The following ABLIM1 variants were observed in gnomAD, a reference collection of about 807,000 sequenced individuals.
ABLIM1 encodes actin binding LIM protein 1, also known as actin-binding LIM protein 1.
In ABLIM1, 40 loss-of-function variants were observed where a neutral mutation model predicts 107.0. The observed-to-expected ratio is 0.37, with a 90% CI of 0.29 to 0.49. The LOEUF (loss-of-function observed/expected upper bound fraction) is 0.49. ABLIM1 is among the 20% of genes least tolerant of loss of function. The probability of loss-of-function intolerance (pLI) is 0.97; values close to 1 mark genes in which losing one functional copy is unlikely to be tolerated. For synonymous variants in ABLIM1, 357 were observed against 357.3 expected, an observed-to-expected ratio of 1.00 and a Z score of 0.01; for missense variants, 857 against 1,008.5, an observed-to-expected ratio of 0.85 and a Z score of 2.04.
At position 114,491,795 on chromosome 10, in the gene ABLIM1, A is replaced by G. The variant is rs761579258; in HGVS notation, c.978T>C (p.Leu326=). 3 of 1,609,492 alleles carry G rather than the reference A, an allele frequency of 1.9e-6. No individual in the cohort carries two copies. The highest frequency in any genetic ancestry group is 2.6e-6 in the Non-Finnish European group (3 of 1,176,412). ...GTGTTCTTGAGTCCACCTCACCTTGAAGATACATTTCCTCTCCTTCTGTGA... is the reference window on the plus strand; with the variant it reads ...GTGTTCTTGAGTCCACCTCACCTTGGAGATACATTTCCTCTCCTTCTGTGA... ...QMFTEGEEMY[L]QGSTVWHPDC... is the part of the protein sequence containing the mutation. Residue 326 remains leucine (L), a synonymous_variant, in exon 7 of 23, where the codon CTT becomes CTC. Transcript: ENST00000533213.
At position 114,616,386 on chromosome 10, in the gene ABLIM1, G is replaced by A. The variant is rs146930610; in HGVS notation, c.245-14425C>T. 8.5e-5 allele frequency among the ~76,000 whole-genome samples: 13 copies of A among 152,206 alleles called. No individual in the cohort carries two copies. In the East Asian group the frequency reaches 2.3e-3, roughly 27 times the overall value. On this transcript the variant is annotated intron_variant, in intron 1 of 22. Coordinates refer to ENST00000533213, the MANE Select transcript of ABLIM1 (RefSeq NM_002313.7). ...GTTCATATGATGCCATCATGTTCCC[G>A]CATCAAAGCATCATTAGCCACCTCA...
chr10:114,439,305 G>T, intron 20 of ABLIM1, 55 bp from the exon 21 acceptor site: 1 of 1,594,674 alleles, frequency 6.3e-7, no homozygotes, highest in Non-Finnish European at 8.6e-7. Flanking sequence ...GGAAACTGAA[G>T]GGAGTACTCT....
At chr10:114,772,065 T>C (rs928946192), upstream of ABLIM1, among the ~76,000 whole-genome samples, 1 of 152,180 alleles carries the variant, frequency 6.6e-6, no homozygotes, top group Non-Finnish European at 1.5e-5. Flanking sequence ...TCTGCATAAC[T>C]TCAAGCTTAA....
intron 1 of ABLIM1, among the ~76,000 whole-genome samples, chr10:114,699,642 G>A (rs1225417296): frequency 2.0e-5 from 3 of 152,010 alleles, no homozygotes; most frequent in Non-Finnish European, 2.9e-5. Context: ...GTTATAAAAT[G>A]GCTCTATATC....
rs2081178300 is a variant in ABLIM1 at position 114,695,598 on chromosome 10, A to G, written c.-213+72463T>C. ...TCAGATAAGGAAAACTGAGACACAGAGAGCCAATGAATTATACAAAGTCAC... is the reference window on the plus strand; with the variant it reads ...TCAGATAAGGAAAACTGAGACACAGGGAGCCAATGAATTATACAAAGTCAC... On this transcript the variant is annotated intron_variant, in intron 1 of 15. Coordinates refer to the ABLIM1 transcript ENST00000651092. Among the ~76,000 whole-genome samples, 5 of 152,238 alleles carry G rather than the reference A, an allele frequency of 3.3e-5. No individual in the cohort carries two copies. The South Asian group carries it at 1.0e-3, about 31-fold the overall frequency.
At chr10:114,600,053 A>G (rs903881455) in intron 2 of ABLIM1, among the ~76,000 whole-genome samples, 35 of 152,274 alleles carry the variant, frequency 2.3e-4, no homozygotes, top group African/African-American at 8.2e-4. Flanking sequence ...GGTATATGGA[A>G]CCTGCAAACT....
intron 8 of ABLIM1, among the ~76,000 whole-genome samples, chr10:114,478,307 T>C (rs970061143): frequency 2.0e-5 from 3 of 152,224 alleles, no homozygotes; most frequent in Admixed American, 2.0e-4. Flanking sequence ...TCAAATTTGC[T>C]GATGTTCTGG....
chr10:114,799,376 A>G, the ABLIM1 span, among the ~76,000 whole-genome samples: 3 of 151,988 alleles, frequency 2.0e-5, no homozygotes, highest in Non-Finnish European at 4.4e-5. Flanking sequence ...ATATTTCCAC[A>G]CTGACCTCTC....
intron 1 of ABLIM1, among the ~76,000 whole-genome samples, chr10:114,725,738 TGTG>T (rs2081945141): frequency 2.7e-5 from 2 of 72,798 alleles, no homozygotes; most frequent in Admixed American, 2.8e-4. Flanking sequence ...ATATAAAATG[TGTG>T]TGTGTGTGTG....
chr10:114,469,007 A>C (rs529140641), intron 10 of ABLIM1, among the ~76,000 whole-genome samples: 2 of 143,064 alleles, frequency 1.4e-5, no homozygotes, highest in African/African-American at 5.2e-5. Context: ...AGCCGAGATC[A>C]CGCCACTGCA....
At chr10:114,796,823 C>CT in the ABLIM1 span, among the ~76,000 whole-genome samples, 1 of 152,202 alleles carries the variant, frequency 6.6e-6, no homozygotes, top group Non-Finnish European at 1.5e-5. Flanking sequence ...TCCACCCCAC[C>CT]TTGTTGCTGT....
At chr10:114,661,550 T>G (rs1377648929), upstream of ABLIM1, among the ~76,000 whole-genome samples, 1 of 152,244 alleles carries the variant, frequency 6.6e-6, no homozygotes, top group Non-Finnish European at 1.5e-5. Context: ...TTCAGGTCTT[T>G]CACTGCTGCC....
In ABLIM1 at chr10:114,482,506, T is replaced by C. The variant is rs530924255; in HGVS notation, c.1041+5452A>G. Among the ~76,000 whole-genome samples the C allele has an allele frequency of 3.3e-5, 5 of 152,296 alleles. No homozygotes were observed. In the East Asian group the frequency reaches 5.8e-4, roughly 18 times the overall value. On this transcript the variant is annotated intron_variant, in intron 8 of 22. Coordinates refer to ENST00000533213, the MANE Select transcript of ABLIM1 (RefSeq NM_002313.7). ...TGTGTAGCCAAAAGTACTTAAAAGA[T>C]AACATATCTGTGACTTGAGAACTGC... is the stretch of plus-strand genomic sequence containing the variant.
intron 1 of ABLIM1, among the ~76,000 whole-genome samples, chr10:114,749,848 C>T (rs890354335): frequency 3.9e-5 from 6 of 152,038 alleles, no homozygotes; most frequent in Admixed American, 6.6e-5. Context: ...TCGCTTTCTC[C>T]GCTCCTTCTC....
chr10:114,751,824 C>T (rs1041035924), intron 1 of ABLIM1, among the ~76,000 whole-genome samples: 1 of 151,802 alleles, frequency 6.6e-6, no homozygotes, highest in Non-Finnish European at 1.5e-5. Context: ...ATGGAAAGAC[C>T]ATGATTACAA....
chr10:114,541,965 C>T (rs987324670), intron 6 of ABLIM1, among the ~76,000 whole-genome samples: 27 of 152,156 alleles, frequency 1.8e-4, no homozygotes, highest in Admixed American at 7.9e-4. Context: ...CCTTTTCCCT[C>T]CCCAGCATGT....
At chr10:114,766,612 C>T (rs1041929440) in intron 1 of ABLIM1, among the ~76,000 whole-genome samples, 9 of 152,036 alleles carry the variant, frequency 5.9e-5, no homozygotes, top group African/African-American at 2.2e-4. Context: ...TTACTTGGCC[C>T]CTACAGTGTG....
chr10:114,669,794 G>T (rs1042731546), intron 1 of ABLIM1, among the ~76,000 whole-genome samples: 1 of 152,104 alleles, frequency 6.6e-6, no homozygotes, highest in Non-Finnish European at 1.5e-5. Context: ...CTGGAGCTCC[G>T]TGTGTGTGTT....
the ABLIM1 span, chr10:114,775,963 T>C: frequency 6.6e-6 from 1 of 152,184 alleles, no homozygotes; most frequent in African/African-American, 2.4e-5. Flanking sequence ...TGAATAAAAC[T>C]AAAGGTCACT....
Sources: allele counts gnomAD v4.1 joint callset (sites outside exome capture counted in the v4.1 genomes callset), GRCh38; gene constraint gnomAD v4.1.1; transcripts MANE v1.5; gene names NCBI Gene and HGNC (gene_info 2026-07-23, HGNC 2026-07-21).